Variants in COL18A1 observed in about 807,000 individuals in gnomAD.
The protein encoded by COL18A1 is collagen type XVIII alpha 1 chain.
Under a neutral mutation model 168.0 loss-of-function variants are expected in COL18A1, and 133 were observed. The ratio of observed to expected loss-of-function variants is 0.79; its 90% confidence interval spans 0.69 to 0.91. COL18A1 has a LOEUF of 0.91. Among genes scored for constraint, COL18A1 ranks in the 40% least tolerant of loss-of-function variants. COL18A1 has a pLI of 0.00. For missense variants in COL18A1, 2,126 were observed against 1,925.4 expected (o/e 1.10, Z -1.95); for synonymous variants, 949 against 809.0 (o/e 1.17, Z -2.94).
intron 2 of COL18A1, among the ~76,000 whole-genome samples, chr21:45,411,197 G>T (rs1240305453): frequency 6.6e-6 from 1 of 152,124 alleles, no homozygotes; most frequent in Non-Finnish European, 1.5e-5. Context: ...TGTTATCCAG[G>T]GGCAGGACAT....
rs1033454379 is a variant in COL18A1, at chr21:45,425,761, T to C, written c.106+20288T>C. 2.0e-5 allele frequency among the ~76,000 whole-genome samples: 3 copies of C among 152,184 alleles called. No individual in the cohort carries two copies. Among genetic ancestry groups the C allele is most frequent in the African/African-American group, 7.2e-5 (3 of 41,436 alleles). On this transcript the variant is annotated intron_variant, in intron 2 of 41. Coordinates refer to ENST00000651438, the MANE Select transcript of COL18A1 (RefSeq NM_001379500.1). The surrounding 1 kb of genome is among the most constrained non-coding windows in gnomAD (Gnocchi z 4.1). ...GACCCCCATCCTCCCCAGGGTGGTC[T>C]GGCAGGGGACACTGTTTTCCAAAGC...
intron 2 of COL18A1, chr21:45,421,290 G>A (rs562653741): frequency 2.8e-5 from 11 of 398,318 alleles, no homozygotes; most frequent in East Asian, 7.0e-5. Context: ...GGCCTGGTGC[G>A]GCTGGACATG....
Position 45,473,890 on chromosome 21 carries a change from T to C in COL18A1, c.652-5T>C, listed in dbSNP as rs1271949385. On this transcript the variant is annotated splice_polypyrimidine_tract_variant and splice_region_variant and intron_variant, in intron 3 of 41. Coordinates refer to ENST00000651438, the MANE Select transcript of COL18A1 (RefSeq NM_001379500.1). This position sits in a 1 kb window ranked among gnomAD's most constrained non-coding sequence, Gnocchi z 4.0. ...CTGGTGACCCCTTTCTCTGTCTGCA[T>C]TTAGGGGGTGATCGCTGAGCTGAAG... The C allele has an allele frequency of 6.3e-7, 1 of 1,595,652 alleles. No homozygotes were observed. Among genetic ancestry groups the C allele is most frequent in the Non-Finnish European group, 8.5e-7 (1 of 1,171,260 alleles).
intron 2 of COL18A1, among the ~76,000 whole-genome samples, chr21:45,418,425 C>T (rs900412927): frequency 2.6e-5 from 4 of 152,146 alleles, no homozygotes; most frequent in African/African-American, 9.7e-5. Context: ...TTGGTGGTTT[C>T]CCTTGCTTTG....
intron 2 of COL18A1, among the ~76,000 whole-genome samples, chr21:45,450,161 C>A (rs1033513192): frequency 6.6e-6 from 1 of 152,154 alleles, no homozygotes; most frequent in East Asian, 1.9e-4. Context: ...TGGGCCTGTC[C>A]TTGGACAGTC....
At chr21:45,448,000 C>A (rs1256944249) in intron 2 of COL18A1, among the ~76,000 whole-genome samples, 3 of 152,210 alleles carry the variant, frequency 2.0e-5, no homozygotes, top group Non-Finnish European at 2.9e-5. Flanking sequence ...GGAATAACAC[C>A]CACACAGAGC....
rs957213223 is a variant in COL18A1 at position 45,473,852 on chromosome 21, C to T, written c.652-43C>T. 1.3e-6 allele frequency: 2 copies of T among 1,516,672 alleles called. No homozygotes were observed. The highest frequency in any genetic ancestry group is 1.9e-5 in the Admixed American group (1 of 52,080). 94.0% of individuals were successfully genotyped at this position (1,516,672 alleles called of 1,614,324 possible). Reference sequence around the variant, plus strand: ...CAAGCAGCACCGGGGTTGCCACTGCCACCTCAGGACCGCTGGTGACCCCTT... The same window carrying T: ...CAAGCAGCACCGGGGTTGCCACTGCTACCTCAGGACCGCTGGTGACCCCTT... On this transcript the variant is annotated intron_variant, in intron 3 of 41. Transcript: ENST00000651438. This position sits in a 1 kb window ranked among gnomAD's most constrained non-coding sequence, Gnocchi z 4.0.
At position 45,455,960 on chromosome 21, in the gene COL18A1, G is replaced by A. The variant is rs61759533; in HGVS notation, c.107-12282G>A. On this transcript the variant is annotated intron_variant, in intron 2 of 41. Transcript: ENST00000651438. Reference sequence around the variant, plus strand: ...GAGCTTGGCCAGGGCGGAAACCCTGGTCCTGGAGACTCCTGTGGGCCCCCT... The same window carrying A: ...GAGCTTGGCCAGGGCGGAAACCCTGATCCTGGAGACTCCTGTGGGCCCCCT... The A allele has an allele frequency of 0.021, 34,058 of 1,613,066 alleles. 454 individuals are homozygous for A. The highest frequency in any genetic ancestry group is 0.025 in the Non-Finnish European group (29,502 of 1,179,996).
At position 45,486,927 on chromosome 21, in the gene COL18A1, C is replaced by T; in HGVS notation, c.1768C>T (p.Pro590Ser). Residue 590 changes from proline to serine, a missense_variant, in exon 16 of 42, where the codon CCT becomes TCT. Coordinates refer to ENST00000651438, the MANE Select transcript of COL18A1 (RefSeq NM_001379500.1). Reference protein sequence around the residue: ...GESGLAGAPGPAGPPGPPGPP... With the variant: ...GESGLAGAPGSAGPPGPPGPP... ...GAGCGGCCTGGCAGGAGCCCCCGGA[C>T]CTGCTGGACCACCAGGCCCCCCTGG... 1 of 1,507,592 alleles carries T rather than the reference C, an allele frequency of 6.6e-7. No homozygotes were observed. The highest frequency in any genetic ancestry group is 2.5e-5 in the East Asian group (1 of 40,234). The allele number at this position is 1,507,592 out of a possible 1,614,324, so 93.4% of individuals were successfully genotyped here. A position where few individuals can be genotyped will look rare whatever the true frequency, so the allele number is the denominator to read the frequency against.
intron 2 of COL18A1, among the ~76,000 whole-genome samples, chr21:45,439,633 C>T (rs190240812): frequency 1.5e-4 from 23 of 152,208 alleles, no homozygotes; most frequent in Admixed American, 1.3e-3. Context: ...TGGGCCAAGT[C>T]CTGTGCGCGG....
Position 45,425,811 on chromosome 21 carries a change from G to A in COL18A1, c.106+20338G>A, listed in dbSNP as rs1282816321. Among the ~76,000 whole-genome samples, 2 of 152,116 alleles carry A rather than the reference G, an allele frequency of 1.3e-5. No individual in the cohort carries two copies. The highest frequency in any genetic ancestry group is 2.9e-5 in the Non-Finnish European group (2 of 68,006). ...CAAAGCCAGAGCGCCAAGGGCTCTC[G>A]GGATTCACGAGATCCACATTTATCC... On this transcript the variant is annotated intron_variant, in intron 2 of 41. Transcript: ENST00000651438. This position sits in a 1 kb window ranked among gnomAD's most constrained non-coding sequence, Gnocchi z 4.1.
chr21:45,512,644 G>C lies in COL18A1; in HGVS notation c.*246G>C, dbSNP rs2037679509. Reference sequence around the variant, plus strand: ...AACTCTCCCCTGACCTGTGAGCCCAGCTGGGTCAGGCAGGGTGCAGTATCA... The same window carrying C: ...AACTCTCCCCTGACCTGTGAGCCCACCTGGGTCAGGCAGGGTGCAGTATCA... On this transcript the variant is annotated 3_prime_UTR_variant, in exon 42 of 42. Coordinates refer to ENST00000651438, the MANE Select transcript of COL18A1 (RefSeq NM_001379500.1). The C allele has an allele frequency of 1.8e-6, 1 of 568,598 alleles. No homozygotes were observed. The highest frequency in any genetic ancestry group is 3.0e-5 in the East Asian group (1 of 33,164). The allele number at this position is 568,598 out of a possible 1,614,324, so 35.2% of individuals were successfully genotyped here.
chr21:45,471,040 G>A lies in COL18A1; in HGVS notation c.651+2254G>A, dbSNP rs971088351. 6.9e-6 allele frequency among the ~76,000 whole-genome samples: 1 copy of A among 145,280 alleles called. No homozygotes were observed. The highest frequency in any genetic ancestry group is 1.5e-5 in the Non-Finnish European group (1 of 65,134). On this transcript the variant is annotated intron_variant, in intron 3 of 41. Coordinates refer to ENST00000651438, the MANE Select transcript of COL18A1 (RefSeq NM_001379500.1). This position sits in a 1 kb window ranked among gnomAD's most constrained non-coding sequence, Gnocchi z 4.4. ...GTGCTACGGGCTTGTGCTGCTGGGT[G>A]TGGGTGGCGCGCTACGGGCCTTGTG...
At chr21:45,503,123 C>A (rs2036953969) in intron 32 of COL18A1, among the ~76,000 whole-genome samples, 1 of 152,146 alleles carries the variant, frequency 6.6e-6, no homozygotes, top group Non-Finnish European at 1.5e-5. Context: ...ATTTCTAGTT[C>A]TAGATCCCTG....
intron 2 of COL18A1, chr21:45,421,540 C>G (rs763054928): frequency 1.9e-6 from 1 of 534,628 alleles, no homozygotes; most frequent in South Asian, 1.4e-5. Context: ...GCTTGTCATG[C>G]TGTTAATTAG....
At chr21:45,492,795 C>T in intron 24 of COL18A1, 82 bp downstream of exon 24, 4 of 1,088,320 alleles carry the variant, frequency 3.7e-6, no homozygotes, top group South Asian at 1.2e-5. Context: ...CCCGGTCGAG[C>T]TGGGGTGGGC....
chr21:45,447,473 T>A lies in COL18A1; in HGVS notation c.107-20769T>A, dbSNP rs7277214. Among the ~76,000 whole-genome samples the A allele has an allele frequency of 1.7e-3, 259 of 152,298 alleles. 1 individual carries two copies. Among genetic ancestry groups the A allele is most frequent in the African/African-American group, 6.0e-3 (250 of 41,566 alleles). On this transcript the variant is annotated intron_variant, in intron 2 of 41. Coordinates refer to ENST00000651438, the MANE Select transcript of COL18A1 (RefSeq NM_001379500.1). ...TTACAACAGCATCAACAAGAACTTATACTCTGAAAACTACAAAGCAACATT... is the reference window on the plus strand; with the variant it reads ...TTACAACAGCATCAACAAGAACTTAAACTCTGAAAACTACAAAGCAACATT...
At chr21:45,511,658 C>T (rs1023766427) in intron 41 of COL18A1, among the ~76,000 whole-genome samples, 6 of 152,104 alleles carry the variant, frequency 3.9e-5, no homozygotes, top group African/African-American at 7.2e-5. Context: ...TCCCAAATGT[C>T]GCTGTGCCCT....
rs116117841 is a variant in COL18A1, at chr21:45,482,324, G to A, written c.1674+299G>A. On this transcript the variant is annotated intron_variant, in intron 14 of 41. Coordinates refer to ENST00000651438, the MANE Select transcript of COL18A1 (RefSeq NM_001379500.1). ...GTTGGTTACGGGGCAGTGGCCATGA[G>A]CCTCTGTCGGACTGACGCAAGGAGC... 654 of 685,274 alleles carry A rather than the reference G, an allele frequency of 9.5e-4. 2 individuals are homozygous for A. In the African/African-American group the frequency reaches 0.01, roughly 11 times the overall value. The allele number at this position is 685,274 out of a possible 1,614,324, so 42.4% of individuals were successfully genotyped here.
Sources: allele counts gnomAD v4.1 joint callset (sites outside exome capture counted in the v4.1 genomes callset), GRCh38; gene constraint gnomAD v4.1.1; non-coding constraint Gnocchi (gnomAD v3.1); transcripts MANE v1.5; gene names NCBI Gene and HGNC (gene_info 2026-07-23, HGNC 2026-07-21).